The following KPRP variants were observed in gnomAD, a reference collection of about 807,000 sequenced individuals.
KPRP encodes keratinocyte proline-rich protein.
For synonymous variants in KPRP, 282 were observed against 276.9 expected (o/e 1.02, Z -0.18); for missense variants, 820 against 746.4 (o/e 1.10, Z -1.15).
chr1:152,760,418 C>G (rs752162119), exon 1 of KPRP: 1 of 1,614,062 alleles, frequency 6.2e-7, no homozygotes, highest in Non-Finnish European at 8.5e-7. Context: ...CGTTTTGAGC[C>G]CTGCTCCAGC....
chr1:152,761,475 A>G (rs1022270280), exon 1 of KPRP: 19 of 1,409,622 alleles, frequency 1.3e-5, no homozygotes, highest in Non-Finnish European at 1.7e-5. Context: ...TCCTTTGCCT[A>G]TCATCCAAAG....
upstream of KPRP, chr1:152,759,497 C>A (rs780036619): frequency 4.6e-6 from 7 of 1,512,660 alleles, no homozygotes; most frequent in Non-Finnish European, 6.2e-6. Context: ...AGGGTGTCTT[C>A]CTCTAGGTCC....
chr1:152,761,526 T>C lies in KPRP; in HGVS notation c.*198T>C, dbSNP rs1248859639. ...TCAGATGCCTCTCCAGCCTCACGTG[T>C]CACTCCTCGCCCGTACGCATCCTCG... On this transcript the variant is annotated 3_prime_UTR_variant, in exon 1 of 1. Coordinates refer to ENST00000606109, the Ensembl canonical transcript of KPRP. 1.1e-5 allele frequency: 11 copies of C among 1,003,204 alleles called. No homozygotes were observed. The East Asian group carries it at 2.9e-4, about 26-fold the overall frequency. The allele number at this position is 1,003,204 out of a possible 1,614,324, so 62.1% of individuals were successfully genotyped here. A position where few individuals can be genotyped will look rare whatever the true frequency, so the allele number is the denominator to read the frequency against.
Position 152,761,543 on chromosome 1 carries a change from G to A in KPRP, c.*215G>A, listed in dbSNP as rs74441721. On this transcript the variant is annotated 3_prime_UTR_variant, in exon 1 of 1. Transcript: ENST00000606109. ...CTCACGTGTCACTCCTCGCCCGTAC[G>A]CATCCTCGGCTCTAGCCAGACCAGT... The A allele has an allele frequency of 3.0e-3, 2,357 of 798,696 alleles. 29 individuals carry two copies. The African/African-American group carries it at 0.037, about 13-fold the overall frequency. The allele number at this position is 798,696 out of a possible 1,614,324, so 49.5% of individuals were successfully genotyped here. A position where few individuals can be genotyped will look rare whatever the true frequency, so the allele number is the denominator to read the frequency against.
At chr1:152,761,216 C>G in exon 1 of KPRP, 1 of 1,614,198 alleles carries the variant, frequency 6.2e-7, no homozygotes, top group African/African-American at 1.3e-5. Context: ...GAGAGTGGTG[C>G]TGGCTGTGGG....
upstream of KPRP, among the ~76,000 whole-genome samples, chr1:152,758,934 A>T (rs919804400): frequency 6.6e-6 from 1 of 152,230 alleles, no homozygotes; most frequent in African/African-American, 2.4e-5. Context: ...ATTTCAAAAC[A>T]TTGTGTCATG....
At chr1:152,758,935 T>C (rs1184335149), upstream of KPRP, among the ~76,000 whole-genome samples, 1 of 152,218 alleles carries the variant, frequency 6.6e-6, no homozygotes, top group Non-Finnish European at 1.5e-5. Context: ...TTTCAAAACA[T>C]TGTGTCATGT....
exon 1 of KPRP, chr1:152,760,909 C>T (rs1214507097): frequency 3.7e-6 from 6 of 1,613,946 alleles, no homozygotes; most frequent in Admixed American, 1.7e-5. Flanking sequence ...TCCAGCACTA[C>T]GTCCAACACC....
At chr1:152,761,987 T>C (rs528568766) in exon 1 of KPRP, 1 of 167,484 alleles carries the variant, frequency 6.0e-6, no homozygotes, top group South Asian at 2.1e-4. Context: ...TGTTCTGTCC[T>C]GATGCTCAAC....
chr1:152,758,690 T>A (rs1198942004), upstream of KPRP, among the ~76,000 whole-genome samples: 1 of 152,230 alleles, frequency 6.6e-6, no homozygotes, highest in Non-Finnish European at 1.5e-5. Flanking sequence ...TATGGCAGAA[T>A]GTCCGTCTTC....
At chr1:152,760,762 C>A in exon 1 of KPRP, 2 of 1,614,236 alleles carry the variant, frequency 1.2e-6, no homozygotes, top group Non-Finnish European at 1.7e-6. Context: ...TGACCAGTGT[C>A]CAGAGTCACC....
At chr1:152,761,472 C>T (rs988507274) in exon 1 of KPRP, 19 of 1,426,352 alleles carry the variant, frequency 1.3e-5, no homozygotes, top group Non-Finnish European at 1.7e-5. Context: ...AACTCCTTTG[C>T]CTATCATCCA....
At chr1:152,758,501 C>G (rs2101560376), upstream of KPRP, among the ~76,000 whole-genome samples, 1 of 152,274 alleles carries the variant, frequency 6.6e-6, no homozygotes. Context: ...TTGGATGAGC[C>G]TGTTGTCAAA....
exon 1 of KPRP, chr1:152,759,613 T>G: frequency 6.2e-7 from 1 of 1,614,046 alleles, no homozygotes; most frequent in Non-Finnish European, 8.5e-7. Flanking sequence ...GCAGATCCAG[T>G]GCCGCCTGCC....
exon 1 of KPRP, chr1:152,760,656 C>G: frequency 6.2e-7 from 1 of 1,611,856 alleles, no homozygotes; most frequent in Non-Finnish European, 8.5e-7. Context: ...GCTCCCAGAG[C>G]TGTGGCCCGC....
In KPRP at chr1:152,760,989, T is replaced by A. The variant is rs762974281; in HGVS notation, c.1401T>A (p.Cys467Ter). Residue 467 changes from cysteine (C) to a stop codon, truncating the protein, a stop_gained, in exon 1 of 1, where the codon TGT becomes TGA. Coordinates refer to ENST00000606109, the Ensembl canonical transcript of KPRP. LOFTEE classifies it low-confidence loss of function (END_TRUNC). The stretch of plus-strand genomic sequence containing the variant: ...AGCCACGTCCATGCCTGCAGCCCTG[T>A]GAGCACCCAGAGCCTTGTCCACGAC... 2 of 1,612,164 alleles carry A rather than the reference T, an allele frequency of 1.2e-6. No individual in the cohort carries two copies. Among genetic ancestry groups the A allele is most frequent in the South Asian group, 2.2e-5 (2 of 91,080 alleles).
chr1:152,761,565 C>T, exon 1 of KPRP: 1 of 595,266 alleles, frequency 1.7e-6, no homozygotes, highest in East Asian at 3.9e-5. Context: ...CTAGCCAGAC[C>T]AGTCTGGCCA....
rs1055557593 is a variant in KPRP, at chr1:152,760,993, C to T, written c.1405C>T (p.His469Tyr). The T allele has an allele frequency of 3.0e-5, 49 of 1,612,016 alleles. No homozygotes were observed. Among genetic ancestry groups the T allele is most frequent in the Non-Finnish European group, 4.1e-5 (48 of 1,180,014 alleles). Residue 469 changes from histidine (H) to tyrosine (Y), a missense_variant, in exon 1 of 1, where the codon CAC (histidine) becomes TAC (tyrosine). Physicochemically the swap from His to Tyr is moderately conservative, Grantham distance 83 (BLOSUM62 2). Transcript: ENST00000606109. The stretch of plus-strand genomic sequence containing the variant: ...ACGTCCATGCCTGCAGCCCTGTGAG[C>T]ACCCAGAGCCTTGTCCACGACCAGA...
At position 152,760,236 on chromosome 1, in the gene KPRP, C is replaced by T. The variant is rs138779194; in HGVS notation, c.648C>T (p.Ser216=). 30 of 1,614,138 alleles carry T rather than the reference C, an allele frequency of 1.9e-5. No homozygotes were observed. In the African/African-American group the frequency reaches 4.0e-4, roughly 22 times the overall value. ...TCCAGTTGAGGCCTTCCTACAGCAG[C>T]TGTTTCCCTCAGTATCGGTCCCGGA... Residue 216 remains serine, a synonymous_variant, in exon 1 of 1, where the codon AGC becomes AGT. Transcript: ENST00000606109.
Sources: allele counts gnomAD v4.1 joint callset (sites outside exome capture counted in the v4.1 genomes callset), GRCh38; gene constraint gnomAD v4.1.1; transcripts MANE v1.5; gene names NCBI Gene and HGNC (gene_info 2026-07-23, HGNC 2026-07-21).